Variants in CDK14 observed in about 807,000 individuals in gnomAD.
CDK14 encodes the protein cyclin dependent kinase 14.
CDK14 carries 34 observed loss-of-function variants against 60.7 expected under a neutral mutation model. That is an observed-to-expected ratio of 0.56 (90% confidence interval 0.43 to 0.75). CDK14 has a LOEUF of 0.75. Among genes scored for constraint, CDK14 ranks in the 30% least tolerant of loss-of-function variants. The pLI, the probability that CDK14 is intolerant of heterozygous loss-of-function variation, is 0.00. For synonymous variants in CDK14, 197 were observed against 203.7 expected (o/e 0.97, Z 0.28); for missense variants, 482 against 564.1 (o/e 0.85, Z 1.47).
intron 2 of CDK14, among the ~76,000 whole-genome samples, chr7:90,662,990 A>G (rs1270105582): frequency 1.3e-5 from 2 of 152,100 alleles, no homozygotes; most frequent in Non-Finnish European, 2.9e-5. Flanking sequence ...GGGGAAATGG[A>G]TGTGAAACCT....
chr7:91,086,110 C>T (rs1156319711), intron 12 of CDK14, among the ~76,000 whole-genome samples: 6 of 152,182 alleles, frequency 3.9e-5, no homozygotes, highest in African/African-American at 1.4e-4. Flanking sequence ...ATGTGGATGT[C>T]TGCTGCTTTG....
At chr7:90,794,979 C>T (rs1424616893) in intron 5 of CDK14, among the ~76,000 whole-genome samples, 3 of 152,192 alleles carry the variant, frequency 2.0e-5, no homozygotes, top group Admixed American at 6.5e-5. Context: ...CAGCCGGTCC[C>T]TCTGTTCAGG....
intron 5 of CDK14, among the ~76,000 whole-genome samples, chr7:90,816,259 C>A (rs1339479746): frequency 6.6e-6 from 1 of 152,078 alleles, no homozygotes; most frequent in Non-Finnish European, 1.5e-5. Context: ...ACTAGTACTT[C>A]CACTCCACAT....
intron 14 of CDK14, among the ~76,000 whole-genome samples, chr7:91,194,347 G>A (rs1411137128): frequency 6.6e-6 from 1 of 152,082 alleles, no homozygotes; most frequent in East Asian, 1.9e-4. Flanking sequence ...TGCTCATCAT[G>A]CGTGACATCT....
At chr7:90,755,750 G>T (rs932580087) in intron 4 of CDK14, among the ~76,000 whole-genome samples, 27 of 152,076 alleles carry the variant, frequency 1.8e-4, no homozygotes, top group African/African-American at 6.5e-4. Flanking sequence ...CAAAGTAATG[G>T]TCTAAATGAT....
chr7:90,671,108 A>C (rs1217411329), intron 2 of CDK14, among the ~76,000 whole-genome samples: 1 of 152,062 alleles, frequency 6.6e-6, no homozygotes, highest in Non-Finnish European at 1.5e-5. Flanking sequence ...TGGAATGGCT[A>C]GTTAGATGGC....
At chr7:90,856,643 A>G (rs980081955) in intron 5 of CDK14, among the ~76,000 whole-genome samples, 2 of 152,210 alleles carry the variant, frequency 1.3e-5, no homozygotes, top group South Asian at 2.1e-4. Flanking sequence ...TCTTTTGTGC[A>G]TGCAATTTTT....
At chr7:90,623,150 CTTTATAGAGTTTGTGAT>C (rs1799809005) in intron 2 of CDK14, among the ~76,000 whole-genome samples, 1 of 150,816 alleles carries the variant, frequency 6.6e-6, no homozygotes, top group South Asian at 2.1e-4. Flanking sequence ...AATCTTTTTT[CTTTATAGAGTTTGTGAT>C]CATGTGTTTT....
chr7:90,861,136 G>A (rs1187989927), intron 5 of CDK14, among the ~76,000 whole-genome samples: 1 of 152,100 alleles, frequency 6.6e-6, no homozygotes, highest in Non-Finnish European at 1.5e-5. Flanking sequence ...GACCCCAGAT[G>A]CATGACATTC....
intron 8 of CDK14, among the ~76,000 whole-genome samples, chr7:90,938,216 C>T (rs191842147): frequency 1.6e-4 from 25 of 152,304 alleles, no homozygotes; most frequent in Admixed American, 1.4e-3. Flanking sequence ...TACTAAATGG[C>T]AATCCTTTCT....
chr7:90,924,804 A>T (rs1016577299), intron 8 of CDK14, among the ~76,000 whole-genome samples: 8 of 152,102 alleles, frequency 5.3e-5, no homozygotes, highest in Middle Eastern at 3.4e-3. Context: ...TTTCTTTTTT[A>T]AAAAACCTGC....
At chr7:90,888,179 C>G (rs916331204) in intron 6 of CDK14, among the ~76,000 whole-genome samples, 9 of 151,932 alleles carry the variant, frequency 5.9e-5, no homozygotes, top group Non-Finnish European at 1.0e-4. Context: ...GTGAACCCCC[C>G]TCTCTACTAA....
At chr7:91,022,418 C>CA (rs1562871927) in intron 10 of CDK14, among the ~76,000 whole-genome samples, 1 of 152,012 alleles carries the variant, frequency 6.6e-6, no homozygotes, top group Non-Finnish European at 1.5e-5. Flanking sequence ...CATTCTTCTC[C>CA]AAAAATGCCT....
chr7:91,019,829 G>A (rs777651175), intron 10 of CDK14, among the ~76,000 whole-genome samples: 1 of 152,122 alleles, frequency 6.6e-6, no homozygotes, highest in Non-Finnish European at 1.5e-5. Context: ...GAAATACCAT[G>A]CTAATAAGGC....
rs1272037977 is a variant in CDK14 at position 90,955,814 on chromosome 7, TGTG to T, written c.947+1_947+3del. ...ACAGAATATTCCACCTGCCTTGACATGTGGTGAGAAATGGAAGCTTTACTCTAG... is the reference window on the plus strand; with the variant it reads ...ACAGAATATTCCACCTGCCTTGACATGTGAGAAATGGAAGCTTTACTCTAG... On this transcript the variant is annotated inframe_deletion and splice_region_variant, in exon 9 of 15. Transcript: ENST00000380050. 3 of 1,612,708 alleles carry T rather than the reference TGTG, an allele frequency of 1.9e-6. No individual in the cohort carries two copies. The highest frequency in any genetic ancestry group is 1.3e-5 in the African/African-American group (1 of 74,852).
intron 1 of CDK14, 83 bp downstream of exon 1, chr7:90,596,801 C>A: frequency 2.5e-6 from 3 of 1,176,676 alleles, no homozygotes; most frequent in African/African-American, 1.5e-5. Context: ...ACCAGCCATG[C>A]AGCTGCCAGC....
At chr7:90,666,112 ATAGGTGGTTACTC>A (rs1800974759) in intron 2 of CDK14, among the ~76,000 whole-genome samples, 1 of 152,082 alleles carries the variant, frequency 6.6e-6, no homozygotes, top group Admixed American at 6.5e-5. Flanking sequence ...TTGCCCAGTA[ATAGGTGGTTACTC>A]TTGGTTTCCA....
chr7:90,664,518 A>G (rs1054385890), intron 2 of CDK14, among the ~76,000 whole-genome samples: 29 of 152,234 alleles, frequency 1.9e-4, no homozygotes, highest in Non-Finnish European at 3.8e-4. Flanking sequence ...TATTCACAAT[A>G]GCAAAGACTT....
intron 6 of CDK14, among the ~76,000 whole-genome samples, chr7:90,871,601 T>C (rs1414960486): frequency 6.6e-6 from 1 of 152,234 alleles, no homozygotes; most frequent in Non-Finnish European, 1.5e-5. Context: ...CTTTGAAATA[T>C]AATGAGCACC....
Sources: allele counts gnomAD v4.1 joint callset (sites outside exome capture counted in the v4.1 genomes callset), GRCh38; gene constraint gnomAD v4.1.1; transcripts MANE v1.5; gene names NCBI Gene and HGNC (gene_info 2026-07-23, HGNC 2026-07-21).